Variants in NTM observed in about 807,000 individuals in gnomAD.
NTM encodes neurotrimin, also known as IgLON family member 2.
NTM carries 13 observed loss-of-function variants against 42.1 expected under a neutral mutation model. That is an observed-to-expected ratio of 0.31 (90% CI 0.20 to 0.49). NTM has a LOEUF of 0.49. NTM is among the 20% of genes least tolerant of loss of function. The pLI is 0.99. For missense variants in NTM, 373 were observed against 452.8 expected (o/e 0.82, Z 1.60); for synonymous variants, 187 against 179.2 (o/e 1.04, Z -0.35).
intron 4 of NTM, among the ~76,000 whole-genome samples, chr11:132,303,589 T>C (rs1005349296): frequency 1.3e-5 from 2 of 152,098 alleles, no homozygotes; most frequent in Admixed American, 1.3e-4. Context: ...ATGGTTAGGA[T>C]CTCAACATAC....
intron 1 of NTM, among the ~76,000 whole-genome samples, chr11:131,842,499 C>G (rs1157237993): frequency 2.0e-5 from 3 of 151,936 alleles, no homozygotes; most frequent in Non-Finnish European, 4.4e-5. Flanking sequence ...CAGTAGTCTC[C>G]CATAAAATAT....
At chr11:131,766,878 G>T (rs1013356246) in intron 1 of NTM, among the ~76,000 whole-genome samples, 1 of 152,034 alleles carries the variant, frequency 6.6e-6, no homozygotes, top group Non-Finnish European at 1.5e-5. Context: ...ACAGCCTCTT[G>T]ATCCCTTTCT....
At chr11:131,702,705 G>C (rs1333835860) in intron 1 of NTM, among the ~76,000 whole-genome samples, 2 of 152,172 alleles carry the variant, frequency 1.3e-5, no homozygotes, top group Admixed American at 1.3e-4. Flanking sequence ...AAACAAAATA[G>C]TGATAATTTT....
chr11:131,534,638 C>A (rs1179793899), intron 1 of NTM: 1 of 152,130 alleles, frequency 6.6e-6, no homozygotes, highest in Non-Finnish European at 1.5e-5. Flanking sequence ...GATAACAAAC[C>A]TTATTCTGAT....
chr11:131,544,653 T>G (rs2053690568), intron 1 of NTM, among the ~76,000 whole-genome samples: 1 of 152,236 alleles, frequency 6.6e-6, no homozygotes, highest in African/African-American at 2.4e-5. Context: ...CCAGGGGTTG[T>G]GGCAGTTAAA....
chr11:132,014,756 T>TC (rs56725783), intron 2 of NTM, among the ~76,000 whole-genome samples: 1 of 135,366 alleles, frequency 7.4e-6, no homozygotes, highest in African/African-American at 2.6e-5. Flanking sequence ...TTTTTTTTTT[T>TC]GCTGTTGAGT....
At chr11:131,873,648 TACAC>T (rs200000124) in intron 1 of NTM, among the ~76,000 whole-genome samples, 1 of 121,554 alleles carries the variant, frequency 8.2e-6, no homozygotes, top group African/African-American at 4.2e-5. Context: ...CATATATATA[TACAC>T]ACATATATAT....
intron 1 of NTM, among the ~76,000 whole-genome samples, chr11:131,831,380 C>T (rs576868747): frequency 6.6e-6 from 1 of 152,272 alleles, no homozygotes; most frequent in African/African-American, 2.4e-5. Context: ...CTAGTATCTG[C>T]TTTTGCTGAT....
chr11:132,268,637 G>C (rs1237308834), intron 4 of NTM, among the ~76,000 whole-genome samples: 1 of 148,984 alleles, frequency 6.7e-6, no homozygotes, highest in Non-Finnish European at 1.5e-5. Context: ...GTGTGTATGT[G>C]TGTGTTTGTG....
chr11:132,244,795 GCCCCCAGTT>G (rs1420288351), intron 4 of NTM, among the ~76,000 whole-genome samples: 1 of 152,168 alleles, frequency 6.6e-6, no homozygotes, highest in Non-Finnish European at 1.5e-5. Flanking sequence ...CCGAGAGGGA[GCCCCCAGTT>G]CCCCCAGCCC....
intron 4 of NTM, 21 bp downstream of exon 4, chr11:132,212,168 A>C: frequency 6.2e-7 from 1 of 1,605,266 alleles, no homozygotes; most frequent in Non-Finnish European, 8.5e-7. Flanking sequence ...AGTTTGTTGC[A>C]TTGCATCATG....
intron 1 of NTM, among the ~76,000 whole-genome samples, chr11:131,762,504 C>T (rs542956478): frequency 8.5e-4 from 130 of 152,304 alleles, no homozygotes; most frequent in African/African-American, 2.4e-3. Context: ...GGCAGGTTGG[C>T]GCTGAATACT....
chr11:131,954,175 C>G (rs573228760), intron 2 of NTM, among the ~76,000 whole-genome samples: 1 of 152,300 alleles, frequency 6.6e-6, no homozygotes, highest in East Asian at 1.9e-4. Context: ...CCTCTGAAAA[C>G]CAGAGGCCAG....
intron 1 of NTM, among the ~76,000 whole-genome samples, chr11:131,835,660 C>T (rs2043393036): frequency 6.6e-6 from 1 of 152,090 alleles, no homozygotes; most frequent in African/African-American, 2.4e-5. Flanking sequence ...GGTACAAACA[C>T]TCTGGAAAAT....
Position 132,048,659 on chromosome 11 carries a change from G to A in NTM, c.168-97623G>A, listed in dbSNP as rs1023027251. Among the ~76,000 whole-genome samples, 14 of 152,290 alleles carry A rather than the reference G, an allele frequency of 9.2e-5. No homozygotes were observed. The East Asian group carries it at 1.9e-3, about 21-fold the overall frequency. ...ACCACAGTGGCTCAGGGACCCAGAA[G>A]TTGAGAATCCCAGCACAGGTCAGCC... is the stretch of plus-strand genomic sequence containing the variant. On this transcript the variant is annotated intron_variant, in intron 2 of 8. Coordinates refer to ENST00000683400, the MANE Select transcript of NTM (RefSeq NM_001352005.2).
chr11:131,450,654 G>T (rs1414747529), intron 1 of NTM, among the ~76,000 whole-genome samples: 1 of 152,216 alleles, frequency 6.6e-6, no homozygotes, highest in African/African-American at 2.4e-5. Context: ...CAAGGTCAAG[G>T]TCTCAGTTAC....
chr11:132,268,227 G>T (rs1002113475), intron 4 of NTM, among the ~76,000 whole-genome samples: 1 of 152,302 alleles, frequency 6.6e-6, no homozygotes, highest in South Asian at 2.1e-4. Flanking sequence ...ATTAAAGGTA[G>T]ACTTCTAGAA....
At chr11:131,889,358 T>C (rs2050890113) in intron 1 of NTM, among the ~76,000 whole-genome samples, 1 of 152,174 alleles carries the variant, frequency 6.6e-6, no homozygotes, top group Non-Finnish European at 1.5e-5. Flanking sequence ...CAGCCTGGGC[T>C]CTGATGGCCA....
At chr11:131,493,550 C>A (rs192118457) in intron 1 of NTM, among the ~76,000 whole-genome samples, 1 of 152,260 alleles carries the variant, frequency 6.6e-6, no homozygotes, top group East Asian at 1.9e-4. Flanking sequence ...GGACAACAAC[C>A]ACAACAACAG....
Sources: gnomAD v4.1 joint callset for allele counts (sites outside exome capture counted in the v4.1 genomes callset) on GRCh38, gnomAD v4.1.1 for gene constraint, MANE v1.5 for transcripts, NCBI Gene and HGNC (gene_info 2026-07-23, HGNC 2026-07-21) for gene names.